Variants in WWOX observed in about 807,000 individuals in gnomAD.
WWOX encodes WW domain containing oxidoreductase.
WWOX carries 69 observed loss-of-function variants against 46.2 expected under a neutral mutation model. That is an observed-to-expected ratio of 1.49 (90% CI 1.23 to 1.82). The LOEUF (loss-of-function observed/expected upper bound fraction) is 1.82. Among genes scored for constraint, WWOX ranks in the 40% most tolerant of loss-of-function variants. WWOX has a pLI of 0.00. For synonymous variants in WWOX, 359 were observed against 202.6 expected (o/e 1.77, Z -6.56); for missense variants, 919 against 542.6 (o/e 1.69, Z -6.89).
chr16:79,137,349 G>A (rs988372882), intron 8 of WWOX, among the ~76,000 whole-genome samples: 3 of 152,330 alleles, frequency 2.0e-5, no homozygotes, highest in Middle Eastern at 3.4e-3. Context: ...GAAAATTCAT[G>A]TGTTAGCCTT....
intron 6 of WWOX, among the ~76,000 whole-genome samples, chr16:78,424,276 C>T (rs1345901155): frequency 6.6e-6 from 1 of 151,834 alleles, no homozygotes; most frequent in African/African-American, 2.4e-5. Flanking sequence ...TACCACCACA[C>T]CTGGCTAATT....
intron 8 of WWOX, among the ~76,000 whole-genome samples, chr16:78,720,147 C>G (rs569776690): frequency 1.3e-5 from 2 of 152,266 alleles, no homozygotes; most frequent in Admixed American, 1.3e-4. Context: ...TTCCTTCTTG[C>G]CCTAATTTTA....
At chr16:78,416,858 A>G (rs2082808878) in intron 6 of WWOX, among the ~76,000 whole-genome samples, 1 of 152,248 alleles carries the variant, frequency 6.6e-6, no homozygotes, top group Non-Finnish European at 1.5e-5. Context: ...TGGGAGGAGT[A>G]TATTTAGTTT....
intron 8 of WWOX, among the ~76,000 whole-genome samples, chr16:79,038,146 C>T (rs1275961660): frequency 1.3e-5 from 2 of 152,264 alleles, no homozygotes; most frequent in Admixed American, 1.3e-4. Flanking sequence ...CCCGTGAACC[C>T]CAGGACAGGG....
intron 5 of WWOX, among the ~76,000 whole-genome samples, chr16:78,386,433 A>T (rs2082061572): frequency 6.6e-6 from 1 of 152,114 alleles, no homozygotes; most frequent in South Asian, 2.1e-4. Flanking sequence ...ATGCAGGTTT[A>T]ATGGAGATAT....
chr16:78,464,757 T>C (rs8062920), intron 8 of WWOX, among the ~76,000 whole-genome samples: 8,335 of 152,220 alleles, frequency 0.055, 635 homozygotes, highest in African/African-American at 0.17. Context: ...TTCAGTCTCC[T>C]TTTTGGAGAA....
intron 7 of WWOX, among the ~76,000 whole-genome samples, chr16:78,430,609 A>G (rs1426039839): frequency 6.6e-6 from 1 of 152,236 alleles, no homozygotes; most frequent in East Asian, 1.9e-4. Context: ...TATATTTTCA[A>G]ATTGCCTGCT....
chr16:78,965,049 A>G (rs1177055510), intron 8 of WWOX, among the ~76,000 whole-genome samples: 1 of 152,200 alleles, frequency 6.6e-6, no homozygotes, highest in African/African-American at 2.4e-5. Flanking sequence ...AGTTTGCTGC[A>G]TGGGTGGAGC....
intron 8 of WWOX, among the ~76,000 whole-genome samples, chr16:79,193,967 G>A (rs1305282875): frequency 1.3e-5 from 2 of 152,192 alleles, no homozygotes; most frequent in African/African-American, 4.8e-5. Context: ...TAGTAATTGT[G>A]TAGATTTGCA....
chr16:78,432,409 C>T (rs1420208353), intron 7 of WWOX, 79 bp from the exon 8 acceptor site: 3 of 1,580,184 alleles, frequency 1.9e-6, no homozygotes, highest in East Asian at 2.2e-5. Flanking sequence ...CCCAGCATTC[C>T]TTAGATTTCC....
chr16:78,483,128 A>G (rs1021607078), intron 8 of WWOX, among the ~76,000 whole-genome samples: 1 of 152,196 alleles, frequency 6.6e-6, no homozygotes, highest in African/African-American at 2.4e-5. Context: ...GGCTCTCGAT[A>G]TGCATGAGTG....
At chr16:78,419,313 A>G (rs1407039089) in intron 6 of WWOX, among the ~76,000 whole-genome samples, 1 of 152,144 alleles carries the variant, frequency 6.6e-6, no homozygotes, top group Non-Finnish European at 1.5e-5. Flanking sequence ...TATGAATGCA[A>G]AGGAACCTGA....
intron 8 of WWOX, among the ~76,000 whole-genome samples, chr16:79,162,630 C>A (rs769908957): frequency 1.3e-5 from 2 of 152,176 alleles, no homozygotes; most frequent in Admixed American, 6.5e-5. Context: ...AAACAGTTTG[C>A]CCTTGGACCA....
At chr16:78,877,681 A>C (rs2044262143) in intron 8 of WWOX, among the ~76,000 whole-genome samples, 1 of 152,164 alleles carries the variant, frequency 6.6e-6, no homozygotes, top group African/African-American at 2.4e-5. Context: ...GAAGAATGTA[A>C]GTTTGTAAGT....
chr16:78,967,722 C>T (rs540228190), intron 8 of WWOX, among the ~76,000 whole-genome samples: 8 of 152,192 alleles, frequency 5.3e-5, no homozygotes, highest in South Asian at 2.1e-4. Flanking sequence ...TCACCATGAA[C>T]GGTCAGGACC....
At chr16:78,152,674 G>A (rs958008463) in intron 4 of WWOX, among the ~76,000 whole-genome samples, 1 of 152,152 alleles carries the variant, frequency 6.6e-6, no homozygotes, top group African/African-American at 2.4e-5. Context: ...GACTGTCACT[G>A]GCAGGTTAAA....
chr16:78,759,246 A>G (rs966627694), intron 8 of WWOX, among the ~76,000 whole-genome samples: 3 of 152,210 alleles, frequency 2.0e-5, no homozygotes, highest in African/African-American at 7.2e-5. Flanking sequence ...GTGAATGCCA[A>G]GATGTTTTGA....
chr16:78,803,920 G>T (rs895910509), intron 8 of WWOX, among the ~76,000 whole-genome samples: 2 of 152,110 alleles, frequency 1.3e-5, no homozygotes, highest in Non-Finnish European at 2.9e-5. Flanking sequence ...TGTGTGTGTG[G>T]GTGGGGGAGG....
At chr16:78,747,391 C>G (rs1469643206) in intron 8 of WWOX, among the ~76,000 whole-genome samples, 2 of 152,022 alleles carry the variant, frequency 1.3e-5, no homozygotes, top group African/African-American at 4.8e-5. Context: ...TTAAATATCA[C>G]TTTCTCAGAG....
Sources: allele counts gnomAD v4.1 joint callset (sites outside exome capture counted in the v4.1 genomes callset), GRCh38; gene constraint gnomAD v4.1.1; transcripts MANE v1.5; gene names NCBI Gene and HGNC (gene_info 2026-07-23, HGNC 2026-07-21).